Variants in NREP observed in about 807,000 individuals in gnomAD.
The protein encoded by NREP is neuronal regeneration related protein, also known as neuronal regeneration-related protein.
A neutral mutation model predicts 8.6 loss-of-function variants in NREP; 5 were observed. The ratio of observed to expected loss-of-function variants is 0.58; its 90% confidence interval spans 0.30 to 1.22. NREP has a LOEUF of 1.22. Among genes scored for constraint, NREP ranks in the 50% most tolerant of loss-of-function variants. The pLI is 0.07. For synonymous variants in NREP, 27 were observed against 28.0 expected, an observed-to-expected ratio of 0.96 and a Z score of 0.11; for missense variants, 86 against 82.5, an observed-to-expected ratio of 1.04 and a Z score of -0.17.
At chr5:111,848,389 T>C (rs1274075624) in intron 2 of NREP, among the ~76,000 whole-genome samples, 1 of 152,116 alleles carries the variant, frequency 6.6e-6, no homozygotes, top group Non-Finnish European at 1.5e-5. Context: ...GCCATTTAGA[T>C]GCTCACAGGA....
chr5:111,762,310 C>T (rs940816017), upstream of NREP, among the ~76,000 whole-genome samples: 13 of 152,110 alleles, frequency 8.5e-5, no homozygotes, highest in Non-Finnish European at 1.5e-4. Context: ...GTGGGTGACA[C>T]TGAGTTCAAT....
intron 2 of NREP, among the ~76,000 whole-genome samples, chr5:111,891,947 T>C (rs1754405182): frequency 6.6e-6 from 1 of 152,090 alleles, no homozygotes; most frequent in South Asian, 2.1e-4. Context: ...CCAAACTATA[T>C]CAGTCATTAT....
chr5:111,752,635 T>C (rs1480691807), intron 2 of NREP, among the ~76,000 whole-genome samples: 1 of 152,156 alleles, frequency 6.6e-6, no homozygotes, highest in Admixed American at 6.5e-5. Flanking sequence ...AAAGCAGAGC[T>C]CTATGAATGG....
chr5:111,846,935 T>G (rs1753190557), intron 2 of NREP, among the ~76,000 whole-genome samples: 1 of 152,150 alleles, frequency 6.6e-6, no homozygotes, highest in African/African-American at 2.4e-5. Flanking sequence ...TATTGATCAA[T>G]CTAACGTTTC....
At chr5:111,852,804 C>T (rs573646945) in intron 2 of NREP, among the ~76,000 whole-genome samples, 1 of 152,258 alleles carries the variant, frequency 6.6e-6, no homozygotes, top group East Asian at 1.9e-4. Context: ...GACACTGGAA[C>T]ATGGACTCTG....
At chr5:111,907,434 A>G (rs116253855) in intron 2 of NREP, among the ~76,000 whole-genome samples, 40 of 152,164 alleles carry the variant, frequency 2.6e-4, no homozygotes, top group African/African-American at 9.4e-4. Context: ...ATTTTTTGAA[A>G]AACTATCCTT....
chr5:111,805,080 C>T (rs1415609238), intron 2 of NREP, among the ~76,000 whole-genome samples: 1 of 152,094 alleles, frequency 6.6e-6, no homozygotes, highest in East Asian at 1.9e-4. Flanking sequence ...AAGACGTCTA[C>T]AAAAAGCTCT....
rs573421617 is a variant in NREP at position 111,865,009 on chromosome 5, T to C, written c.135+110265A>G. ...CTTTTTTTGTGTGAAATTCTGTCTA[T>C]TATTATTATTGTGTATTCAAATAAA... On this transcript the variant is annotated intron_variant, in intron 2 of 3. Coordinates refer to the NREP transcript ENST00000395634. 2.0e-5 allele frequency among the ~76,000 whole-genome samples: 3 copies of C among 152,254 alleles called. No individual in the cohort carries two copies. The East Asian group carries it at 5.8e-4, about 29-fold the overall frequency.
chr5:111,882,405 T>G (rs1754105797), intron 2 of NREP, among the ~76,000 whole-genome samples: 1 of 152,226 alleles, frequency 6.6e-6, no homozygotes, highest in African/African-American at 2.4e-5. Flanking sequence ...GAAAACACTC[T>G]GCAGGATATT....
chr5:111,884,800 A>C (rs1281908818), intron 2 of NREP, among the ~76,000 whole-genome samples: 3 of 152,202 alleles, frequency 2.0e-5, no homozygotes, highest in Non-Finnish European at 4.4e-5. Flanking sequence ...ACTCTCAATA[A>C]ATTAGGTTTT....
intron 2 of NREP, among the ~76,000 whole-genome samples, chr5:111,922,041 C>T (rs1429532111): frequency 6.6e-6 from 1 of 152,122 alleles, no homozygotes; most frequent in African/African-American, 2.4e-5. Context: ...TATGTCTTTA[C>T]CAGCAGTGTG....
chr5:111,789,723 T>C (rs759091573), intron 2 of NREP, among the ~76,000 whole-genome samples: 1 of 152,184 alleles, frequency 6.6e-6, no homozygotes, highest in Non-Finnish European at 1.5e-5. Context: ...TAATATGAGA[T>C]TATTAGCAGC....
At chr5:111,933,744 C>A (rs144654989) in intron 2 of NREP, among the ~76,000 whole-genome samples, 5 of 151,996 alleles carry the variant, frequency 3.3e-5, no homozygotes, top group Non-Finnish European at 7.4e-5. Context: ...TTTCTATGAA[C>A]GAAAGAATAC....
chr5:111,939,163 T>C (rs1755762471), intron 2 of NREP, among the ~76,000 whole-genome samples: 1 of 151,972 alleles, frequency 6.6e-6, no homozygotes, highest in Admixed American at 6.6e-5. Flanking sequence ...TGACAAACAG[T>C]CCATGGAGCC....
At chr5:111,764,410 G>A (rs1296658074) in intron 2 of NREP, among the ~76,000 whole-genome samples, 6 of 152,328 alleles carry the variant, frequency 3.9e-5, no homozygotes, top group Non-Finnish European at 7.3e-5. Context: ...GGCTGGAGAG[G>A]CCTCACAATC....
chr5:111,871,090 A>G (rs1323352864), intron 2 of NREP, among the ~76,000 whole-genome samples: 3 of 33,590 alleles, frequency 8.9e-5, no homozygotes, highest in African/African-American at 2.4e-4. Flanking sequence ...GTGTGTGTGT[A>G]GTCATGCATT....
chr5:111,804,706 A>C lies in NREP; in HGVS notation c.136-69199T>G, dbSNP rs571903111. Among the ~76,000 whole-genome samples the C allele has an allele frequency of 2.2e-4, 33 of 152,156 alleles. No homozygotes were observed. The South Asian group carries it at 2.3e-3, about 11-fold the overall frequency. ...GAGTGGAGGAGAATAAGAGAAAAAA[A>C]AAACAAACAAACAGAGCCCGCGCAG... On this transcript the variant is annotated intron_variant, in intron 2 of 3. Coordinates refer to the NREP transcript ENST00000395634.
intron 2 of NREP, among the ~76,000 whole-genome samples, chr5:111,884,264 A>G (rs1252912624): frequency 1.3e-5 from 2 of 151,616 alleles, no homozygotes; most frequent in African/African-American, 4.9e-5. Flanking sequence ...CTCTCCCAAG[A>G]CTAAACCAGG....
intron 2 of NREP, among the ~76,000 whole-genome samples, chr5:111,947,578 A>G (rs924183833): frequency 6.6e-6 from 1 of 152,034 alleles, no homozygotes; most frequent in African/African-American, 2.4e-5. Context: ...ATCACAACAA[A>G]CCTATGAGGT....
Sources: allele counts gnomAD v4.1 joint callset (sites outside exome capture counted in the v4.1 genomes callset), GRCh38; gene constraint gnomAD v4.1.1; transcripts MANE v1.5; gene names NCBI Gene and HGNC (gene_info 2026-07-23, HGNC 2026-07-21).